The following NRXN1 variants were observed in gnomAD, a reference collection of about 807,000 sequenced individuals.
NRXN1 encodes the protein neurexin 1, also known as neurexin-1.
NRXN1 carries 39 observed loss-of-function variants against 150.9 expected under a neutral mutation model. The observed-to-expected ratio is 0.26, with a 90% CI of 0.20 to 0.34. The LOEUF is 0.34. NRXN1 is among the 10% of genes least tolerant of loss of function. The probability of loss-of-function intolerance (pLI) is 1.00; values close to 1 mark genes in which losing one functional copy is unlikely to be tolerated. For synonymous variants in NRXN1, 924 were observed against 757.0 expected (o/e 1.22, Z -3.62); for missense variants, 1,815 against 1,949.9 (o/e 0.93, Z 1.30).
chr2:50,702,522 T>C (rs1224046684), intron 5 of NRXN1, among the ~76,000 whole-genome samples: 1 of 151,388 alleles, frequency 6.6e-6, no homozygotes, highest in African/African-American at 2.4e-5. Flanking sequence ...GAGAAAATTT[T>C]CTGTATGCAC....
At chr2:50,471,371 C>A (rs1296411607) in intron 16 of NRXN1, among the ~76,000 whole-genome samples, 1 of 151,792 alleles carries the variant, frequency 6.6e-6, no homozygotes, top group South Asian at 2.1e-4. Flanking sequence ...GTTTTCCATT[C>A]CTGAGTCACT....
chr2:50,479,811 T>C (rs1418225634), intron 15 of NRXN1, among the ~76,000 whole-genome samples: 1 of 132,700 alleles, frequency 7.5e-6, no homozygotes, highest in African/African-American at 2.8e-5. Context: ...TCTTGCTCCG[T>C]TGCCCAGGCT....
chr2:50,767,747 G>C (rs1702535798), intron 5 of NRXN1, among the ~76,000 whole-genome samples: 1 of 151,876 alleles, frequency 6.6e-6, no homozygotes, highest in Non-Finnish European at 1.5e-5. Context: ...ATTCACCTAG[G>C]CAATTTATGT....
intron 18 of NRXN1, among the ~76,000 whole-genome samples, chr2:50,218,493 T>C (rs867516070): frequency 5.0e-4 from 74 of 147,828 alleles, no homozygotes; most frequent in African/African-American, 1.8e-3. Flanking sequence ...GCACCTTCTT[T>C]TTTTTTTTTT....
chr2:50,416,541 G>GT (rs2083552453), intron 17 of NRXN1, among the ~76,000 whole-genome samples: 1 of 151,936 alleles, frequency 6.6e-6, no homozygotes, highest in African/African-American at 2.4e-5. Flanking sequence ...TTTCACTATT[G>GT]TATTAGTCTG....
At chr2:50,388,017 A>G (rs944834543) in intron 17 of NRXN1, among the ~76,000 whole-genome samples, 1 of 152,196 alleles carries the variant, frequency 6.6e-6, no homozygotes, top group Non-Finnish European at 1.5e-5. Context: ...GGAGCTAAAC[A>G]CAAGAGAGCA....
At chr2:50,720,016 A>G (rs1696426047) in intron 5 of NRXN1, among the ~76,000 whole-genome samples, 1 of 152,158 alleles carries the variant, frequency 6.6e-6, no homozygotes, top group East Asian at 1.9e-4. Context: ...ATGTTTAAAG[A>G]ACAAATTACA....
chr2:50,649,173 T>C (rs1213149860), intron 5 of NRXN1, among the ~76,000 whole-genome samples: 1 of 146,366 alleles, frequency 6.8e-6, no homozygotes, highest in East Asian at 2.1e-4. Flanking sequence ...TTTTGGATAG[T>C]TTGAATTATG....
intron 5 of NRXN1, among the ~76,000 whole-genome samples, chr2:50,792,193 G>T (rs923831619): frequency 6.6e-6 from 1 of 152,090 alleles, no homozygotes; most frequent in African/African-American, 2.4e-5. Context: ...AATTATGTAC[G>T]AGAAAACTAC....
At chr2:50,315,065 A>G (rs2075484639) in intron 17 of NRXN1, among the ~76,000 whole-genome samples, 1 of 152,008 alleles carries the variant, frequency 6.6e-6, no homozygotes, top group African/African-American at 2.4e-5. Context: ...AGTTCGGTGT[A>G]TATTCTTCTA....
At chr2:51,018,043 A>C (rs2105255544) in intron 2 of NRXN1, among the ~76,000 whole-genome samples, 1 of 152,190 alleles carries the variant, frequency 6.6e-6, no homozygotes, top group African/African-American at 2.4e-5. Context: ...TGCTGAATCT[A>C]GCAATGTCTG....
intron 5 of NRXN1, among the ~76,000 whole-genome samples, chr2:50,851,480 CCT>C (rs927329132): frequency 8.5e-5 from 13 of 152,194 alleles, no homozygotes; most frequent in African/African-American, 3.1e-4. Flanking sequence ...GCAATGGCCT[CCT>C]CTCTCTGAAA....
At chr2:50,896,198 C>T (rs1022757564) in intron 5 of NRXN1, among the ~76,000 whole-genome samples, 2 of 152,088 alleles carry the variant, frequency 1.3e-5, no homozygotes, top group African/African-American at 4.8e-5. Flanking sequence ...CTCTAAATCA[C>T]CCAAGTATCA....
chr2:50,211,443 A>G (rs1405217375), intron 18 of NRXN1, among the ~76,000 whole-genome samples: 2 of 151,664 alleles, frequency 1.3e-5, no homozygotes, highest in Non-Finnish European at 3.0e-5. Context: ...AAAGATGATT[A>G]AATTCCTATA....
chr2:50,081,393 G>C (rs1027752427), intron 19 of NRXN1, among the ~76,000 whole-genome samples: 16 of 151,698 alleles, frequency 1.1e-4, no homozygotes. Context: ...CCTGGTCAAC[G>C]TGGTGAAACC....
intron 5 of NRXN1, among the ~76,000 whole-genome samples, chr2:50,914,204 A>C (rs1003017): frequency 0.15 from 23,284 of 151,490 alleles, 2,262 homozygotes; most frequent in East Asian, 0.42. Flanking sequence ...TGGACATACA[A>C]TAATGTATCT....
intron 5 of NRXN1, among the ~76,000 whole-genome samples, chr2:50,911,671 T>C (rs1483518411): frequency 6.6e-6 from 1 of 151,966 alleles, no homozygotes; most frequent in African/African-American, 2.4e-5. Context: ...GCTGTTTAGC[T>C]TTTCCTTGTC....
rs976369086 is a variant in NRXN1, at chr2:50,657,057, C to A, written c.833-33442G>T. Among the ~76,000 whole-genome samples the A allele has an allele frequency of 1.4e-3, 207 of 152,062 alleles. 1 individual carries two copies. The highest frequency in any genetic ancestry group is 2.4e-3 in the Non-Finnish European group (161 of 67,932). On this transcript the variant is annotated intron_variant, in intron 5 of 22. Coordinates refer to ENST00000401669, the MANE Select transcript of NRXN1 (RefSeq NM_001330078.2). ...AAAGAAACATAGAAAACAATAACAA[C>A]AACTTGTGTGGTTTCTCGTCTCTCT... is the stretch of plus-strand genomic sequence containing the variant.
At chr2:50,786,647 C>G (rs1421701092) in intron 5 of NRXN1, among the ~76,000 whole-genome samples, 1 of 152,074 alleles carries the variant, frequency 6.6e-6, no homozygotes, top group Non-Finnish European at 1.5e-5. Flanking sequence ...CAATTTTGAT[C>G]CGAGACACAT....
Sources: gnomAD v4.1 joint callset for allele counts (sites outside exome capture counted in the v4.1 genomes callset) on GRCh38, gnomAD v4.1.1 for gene constraint, MANE v1.5 for transcripts, NCBI Gene and HGNC (gene_info 2026-07-23, HGNC 2026-07-21) for gene names.